The following LAMB1 variants were observed in gnomAD, a reference collection of about 807,000 sequenced individuals.
LAMB1 encodes laminin subunit beta-1.
LAMB1 carries 121 observed loss-of-function variants against 222.3 expected under a neutral mutation model. The ratio of observed to expected loss-of-function variants is 0.54; its 90% CI spans 0.47 to 0.63. The LOEUF (loss-of-function observed/expected upper bound fraction) is 0.63. LAMB1 is among the 30% of genes least tolerant of loss of function. LAMB1 has a pLI of 0.00. For synonymous variants in LAMB1, 794 were observed against 807.2 expected (o/e 0.98, Z 0.28); for missense variants, 2,172 against 2,240.8 (o/e 0.97, Z 0.62).
chr7:107,926,342 T>C lies in LAMB1; in HGVS notation c.4905A>G (p.Ala1635=), dbSNP rs576090842. The C allele has an allele frequency of 6.2e-7, 1 of 1,613,774 alleles. No individual in the cohort carries two copies. Among genetic ancestry groups the C allele is most frequent in the East Asian group, 2.2e-5 (1 of 44,876 alleles). Residue 1635 remains alanine (A), a synonymous_variant, in exon 32 of 34, where the codon GCA becomes GCG. Transcript: ENST00000222399. ...CGTTGAACAAGGTTTCCTCAGAAGC[T>C]GCTGTTTCAGACTCAATCTAAAAGC... ...NLLTSIESET[A]ASEETLFNAS...
chr7:107,964,486 A>G, intron 14 of LAMB1, 66 bp downstream of exon 14: 2 of 1,587,748 alleles, frequency 1.3e-6, no homozygotes, highest in Non-Finnish European at 1.7e-6. Flanking sequence ...GTCTTTACAA[A>G]GCATGTATGT....
intron 24 of LAMB1, among the ~76,000 whole-genome samples, chr7:107,941,805 T>G (rs531266017): frequency 7.1e-6 from 1 of 140,434 alleles, no homozygotes; most frequent in East Asian, 2.0e-4. Context: ...ATTACAGGCA[T>G]GCGCCACCAC....
intron 21 of LAMB1, among the ~76,000 whole-genome samples, chr7:107,954,378 C>T (rs2076242614): frequency 6.7e-6 from 1 of 150,330 alleles, no homozygotes; most frequent in Non-Finnish European, 1.5e-5. Context: ...CCATCTTGCC[C>T]ACGCTGGTCT....
At chr7:107,931,235 G>A (rs1415221955) in intron 29 of LAMB1, 121 bp downstream of exon 29, 12 of 787,992 alleles carry the variant, frequency 1.5e-5, no homozygotes, top group East Asian at 2.5e-5. Context: ...TTTAATATAC[G>A]GACGTTTTTC....
rs1241582128 is a variant in LAMB1 at position 107,929,625 on chromosome 7, A to G, written c.4538-6T>C. On this transcript the variant is annotated splice_region_variant and splice_polypyrimidine_tract_variant and intron_variant, in intron 29 of 33. Coordinates refer to ENST00000222399, the MANE Select transcript of LAMB1 (RefSeq NM_002291.3). Reference sequence around the variant, plus strand: ...GTCCAAATCAGCACTATCCTCTGTGAAAAGCAAAGATGTCCCCAAAAAGAG... The same window carrying G: ...GTCCAAATCAGCACTATCCTCTGTGGAAAGCAAAGATGTCCCCAAAAAGAG... The G allele has an allele frequency of 6.2e-7, 1 of 1,612,350 alleles. No individual in the cohort carries two copies. Among genetic ancestry groups the G allele is most frequent in the Admixed American group, 1.7e-5 (1 of 60,010 alleles).
At chr7:107,984,962 C>G (rs908470567) in intron 7 of LAMB1, among the ~76,000 whole-genome samples, 1 of 152,176 alleles carries the variant, frequency 6.6e-6, no homozygotes, top group Non-Finnish European at 1.5e-5. Flanking sequence ...AGCTACACTT[C>G]TTCTCTAGAA....
At chr7:107,975,486 C>A in intron 10 of LAMB1, 73 bp from the exon 11 acceptor site, 1 of 1,395,116 alleles carries the variant, frequency 7.2e-7, no homozygotes. Flanking sequence ...TACATATATT[C>A]CCTTCCTCCC....
intron 24 of LAMB1, among the ~76,000 whole-genome samples, chr7:107,946,841 T>TA (rs974964324): frequency 1.3e-5 from 2 of 152,152 alleles, no homozygotes; most frequent in Non-Finnish European, 2.9e-5. Context: ...GTTTTTCTAC[T>TA]AAAAAACACA....
At chr7:107,932,742 C>G (rs2395934) in intron 27 of LAMB1, 13,853 of 268,276 alleles carry the variant, frequency 0.052, 1,821 homozygotes, top group African/African-American at 0.28. Flanking sequence ...AAAAAAAAAA[C>G]CTATTGTGAA....
rs1029687923 is a variant in LAMB1, at chr7:107,999,439, A to G, written c.214-947T>C. Among the ~76,000 whole-genome samples, 8 of 152,336 alleles carry G rather than the reference A, an allele frequency of 5.3e-5. No individual in the cohort carries two copies. The South Asian group carries it at 1.2e-3, about 24-fold the overall frequency. On this transcript the variant is annotated intron_variant, in intron 3 of 33. Transcript: ENST00000222399. ...ACATAGAGACCCACATGTATGTTAC[A>G]AACAGCATTTAAGGGTAATATTCTT...
chr7:107,933,504 G>C (rs2032760934), intron 27 of LAMB1, among the ~76,000 whole-genome samples: 3 of 151,792 alleles, frequency 2.0e-5, no homozygotes, highest in Admixed American at 6.6e-5. Flanking sequence ...TAAAACATGA[G>C]TCTTAAGAAC....
rs769004279 is a variant in LAMB1, at chr7:107,953,537, G to C, written c.3072C>G (p.Asp1024Glu). The change falls in exon 22 of 34, where the codon GAC (aspartate) becomes GAG (glutamate). Residue 1024 changes from aspartate to glutamate, a missense_variant. Physicochemically the swap from Asp to Glu is conservative, Grantham distance 45 (BLOSUM62 2). Coordinates refer to ENST00000222399, the MANE Select transcript of LAMB1 (RefSeq NM_002291.3). Reference sequence around the variant, plus strand: ...AATAAATGTGCATCTTACTTCGACAGTCCTGCTGGAGGGCATCACCATAGT... The same window carrying C: ...AATAAATGTGCATCTTACTTCGACACTCCTGCTGGAGGGCATCACCATAGT... ...FGYYGDALQQDCRKCVCNYLG... is the reference protein window; with the variant it reads ...FGYYGDALQQECRKCVCNYLG... 6 of 1,611,854 alleles carry C rather than the reference G, an allele frequency of 3.7e-6. No homozygotes were observed. The African/African-American group carries it at 8.0e-5, about 22-fold the overall frequency.
Position 107,924,328 on chromosome 7 carries a change from G to C in LAMB1, c.5126C>G (p.Thr1709Ser). Residue 1709 changes from threonine to serine, a missense_variant, in exon 33 of 34, where the codon ACT becomes AGT. Transcript: ENST00000222399. ...CCTTCTGGCATCAGCTGACTCTTCA[G>C]TTTTTTTGGCAATTAAATTTTCTAC... ...KKVENLIAKKTEESADARRKA... is the reference protein window; with the variant it reads ...KKVENLIAKKSEESADARRKA... 1 of 1,612,300 alleles carries C rather than the reference G, an allele frequency of 6.2e-7. No individual in the cohort carries two copies. Among genetic ancestry groups the C allele is most frequent in the Non-Finnish European group, 8.5e-7 (1 of 1,179,148 alleles).
At chr7:107,930,190 A>C (rs1418395382) in intron 29 of LAMB1, among the ~76,000 whole-genome samples, 1 of 152,234 alleles carries the variant, frequency 6.6e-6, no homozygotes, top group Non-Finnish European at 1.5e-5. Context: ...AACCGGAATA[A>C]TGGGTTGTCA....
In LAMB1 at chr7:107,975,043, C is replaced by G. The variant is rs750736732; in HGVS notation, c.1425G>C (p.Glu475Asp). 1.2e-6 allele frequency: 2 copies of G among 1,613,604 alleles called. No individual in the cohort carries two copies. The highest frequency in any genetic ancestry group is 1.1e-5 in the South Asian group (1 of 91,072). Residue 475 changes from glutamate to aspartate, a missense_variant, in exon 12 of 34, where the codon GAG (glutamate) becomes GAC (aspartate). Transcript: ENST00000222399. ...TIPGGNPCDSETGHCYCKRLV... is the reference protein window; with the variant it reads ...TIPGGNPCDSDTGHCYCKRLV... Reference sequence around the variant, plus strand: ...GACGCTTGCAGTAGCAGTGACCTGTCTCGGAATCACAAGGATTCCCTCCAG... The same window carrying G: ...GACGCTTGCAGTAGCAGTGACCTGTGTCGGAATCACAAGGATTCCCTCCAG...
At chr7:107,933,255 A>G (rs1414735398) in intron 27 of LAMB1, among the ~76,000 whole-genome samples, 1 of 152,232 alleles carries the variant, frequency 6.6e-6, no homozygotes, top group Non-Finnish European at 1.5e-5. Flanking sequence ...GGAAATTCTC[A>G]TACTGAAAAG....
chr7:108,002,574 C>T (rs2034412279), intron 2 of LAMB1, among the ~76,000 whole-genome samples: 1 of 152,218 alleles, frequency 6.6e-6, no homozygotes, highest in African/African-American at 2.4e-5. Flanking sequence ...GGTGAACCGG[C>T]CGAGGGTGCA....
chr7:107,999,366 T>G (rs1312613505), intron 3 of LAMB1, among the ~76,000 whole-genome samples: 1 of 152,232 alleles, frequency 6.6e-6, no homozygotes, highest in Non-Finnish European at 1.5e-5. Context: ...CTACATTTTC[T>G]GAAATGCAGA....
At chr7:107,944,788 T>C (rs2033080591) in intron 24 of LAMB1, among the ~76,000 whole-genome samples, 1 of 152,202 alleles carries the variant, frequency 6.6e-6, no homozygotes, top group Non-Finnish European at 1.5e-5. Context: ...ACTTGACAAG[T>C]TAGTAAAACT....
Sources: gnomAD v4.1 joint callset for allele counts (sites outside exome capture counted in the v4.1 genomes callset) on GRCh38, gnomAD v4.1.1 for gene constraint, MANE v1.5 for transcripts, NCBI Gene and HGNC (gene_info 2026-07-23, HGNC 2026-07-21) for gene names.